The following RIN3 variants were observed in gnomAD, a reference collection of about 807,000 sequenced individuals.
RIN3 encodes the protein Ras and Rab interactor 3.
Under a neutral mutation model 76.3 loss-of-function variants are expected in RIN3, and 54 were observed. The observed-to-expected ratio is 0.71, with a 90% CI of 0.57 to 0.89. The LOEUF is 0.89. Among genes scored for constraint, RIN3 ranks in the 40% least tolerant of loss-of-function variants. The pLI is 0.00. For missense variants in RIN3, 1,256 were observed against 1,322.1 expected, an observed-to-expected ratio of 0.95 and a Z score of 0.78; for synonymous variants, 576 against 564.0, an observed-to-expected ratio of 1.02 and a Z score of -0.30.
chr14:92,530,646 G>A (rs1246694662), intron 1 of RIN3, among the ~76,000 whole-genome samples: 1 of 152,096 alleles, frequency 6.6e-6, no homozygotes, highest in Non-Finnish European at 1.5e-5. Flanking sequence ...CCACTTCTCG[G>A]TGGATTCAGC....
chr14:92,560,113 C>G (rs760988584), intron 2 of RIN3, among the ~76,000 whole-genome samples: 1 of 152,188 alleles, frequency 6.6e-6, no homozygotes, highest in Non-Finnish European at 1.5e-5. Context: ...AGGCCTTAGG[C>G]CTTAATCCCA....
chr14:92,595,073 C>T (rs1285120655), intron 3 of RIN3, among the ~76,000 whole-genome samples: 3 of 152,218 alleles, frequency 2.0e-5, no homozygotes, highest in Admixed American at 6.5e-5. Flanking sequence ...CATATTCATG[C>T]ATATAGGTAA....
chr14:92,558,146 C>T (rs568505982), intron 2 of RIN3, among the ~76,000 whole-genome samples: 5 of 152,258 alleles, frequency 3.3e-5, no homozygotes, highest in African/African-American at 9.6e-5. Context: ...CCCAGGAGTT[C>T]AAGACCAGCC....
At chr14:92,631,708 C>T (rs1886590955) in intron 4 of RIN3, among the ~76,000 whole-genome samples, 1 of 152,086 alleles carries the variant, frequency 6.6e-6, no homozygotes, top group South Asian at 2.1e-4. Flanking sequence ...TCAAGCGATT[C>T]TCCCGCCTCA....
At chr14:92,609,121 A>C (rs1215638446) in intron 3 of RIN3, among the ~76,000 whole-genome samples, 5 of 152,162 alleles carry the variant, frequency 3.3e-5, no homozygotes, top group African/African-American at 1.2e-4. Flanking sequence ...TCCCACTTAT[A>C]AGTAAGAACA....
At chr14:92,650,356 G>A (rs1483013286) in intron 5 of RIN3, among the ~76,000 whole-genome samples, 1 of 152,238 alleles carries the variant, frequency 6.6e-6, no homozygotes, top group Non-Finnish European at 1.5e-5. Flanking sequence ...TCTGTGAACT[G>A]GGGGCAAGGC....
chr14:92,547,482 C>T (rs573824980), intron 1 of RIN3, among the ~76,000 whole-genome samples: 32 of 149,954 alleles, frequency 2.1e-4, no homozygotes, highest in African/African-American at 7.5e-4. Context: ...GCAGCCTTAA[C>T]CTCCTAGGCT....
chr14:92,615,474 C>T lies in RIN3; in HGVS notation c.435C>T (p.Val145=), dbSNP rs1885920586. ...TCAGATTGATTGCGTTCTACTGTGT[C>T]AGTAGGTGAGTAGACCCGGCCCTGC... ...DIFRLIAFYC[V]SRDLLPFTLR... The change falls in exon 4 of 10, where the codon GTC becomes GTT. Residue 145 remains valine (V), a synonymous_variant. Coordinates refer to ENST00000216487, the MANE Select transcript of RIN3 (RefSeq NM_024832.5). 6.2e-7 allele frequency: 1 copy of T among 1,613,674 alleles called. No homozygotes were observed. The highest frequency in any genetic ancestry group is 1.1e-5 in the South Asian group (1 of 91,058).
intron 4 of RIN3, among the ~76,000 whole-genome samples, chr14:92,625,591 T>G (rs573435381): frequency 1.5e-3 from 232 of 152,332 alleles, no homozygotes; most frequent in Admixed American, 2.9e-3. Context: ...CAGGGCATTC[T>G]CTTTTGAAGT....
chr14:92,527,815 G>A (rs775700712), intron 1 of RIN3, among the ~76,000 whole-genome samples: 5 of 152,144 alleles, frequency 3.3e-5, no homozygotes, highest in South Asian at 2.1e-4. Flanking sequence ...CTGGGTTGTC[G>A]TGTGACTCGA....
At chr14:92,649,291 G>A (rs4424848) in intron 5 of RIN3, among the ~76,000 whole-genome samples, 5,771 of 152,216 alleles carry the variant, frequency 0.038, 379 homozygotes, top group African/African-American at 0.13. Context: ...GGTGGGCACC[G>A]GGGGTCTCAG....
Position 92,659,225 on chromosome 14 carries a change from A to C in RIN3, c.2091A>C (p.Ser697=), listed in dbSNP as rs374914830. 3.6e-5 allele frequency: 58 copies of C among 1,614,184 alleles called. 1 individual carries two copies. In the South Asian group the frequency reaches 5.1e-4, roughly 14 times the overall value. ...VLKPLKEAIN[S]CLHQIHSKDG... is the part of the protein sequence containing the mutation. ...AGCCCCTGAAGGAAGCCATCAACTC[A>C]TGCCTGCATCAGATCCACAGCAAGG... Residue 697 remains serine, a synonymous_variant, in exon 7 of 10, where the codon TCA becomes TCC. Transcript: ENST00000216487.
At chr14:92,600,478 A>G (rs539824782) in intron 3 of RIN3, among the ~76,000 whole-genome samples, 1 of 152,254 alleles carries the variant, frequency 6.6e-6, no homozygotes, top group South Asian at 2.1e-4. Context: ...AAGCAAGTGA[A>G]CTGTCAGTTG....
In RIN3 at chr14:92,604,909, CTTTTTTTTTTTTTTT is replaced by C. The variant is rs148326639; in HGVS notation, c.368-10479_368-10465del. Among the ~76,000 whole-genome samples the C allele has an allele frequency of 5.0e-4, 45 of 90,074 alleles. 1 individual carries two copies. The highest frequency in any genetic ancestry group is 1.8e-3 in the African/African-American group (36 of 20,402). 59.1% of individuals were successfully genotyped at this position (90,074 alleles called of 152,430 possible). On this transcript the variant is annotated intron_variant, in intron 3 of 9. Coordinates refer to ENST00000216487, the MANE Select transcript of RIN3 (RefSeq NM_024832.5). ...TGTCAATTTCCTTATCCATTTTCCT[CTTTTTTTTTTTTTTT>C]TTTTTTTTTTTTTTTTTTGAGATGG...
intron 9 of RIN3, chr14:92,686,501 A>G (rs1488089947): frequency 1.3e-5 from 2 of 152,076 alleles, no homozygotes. Context: ...GCTCCAGCAC[A>G]CCTCTGTTCC....
In RIN3 at chr14:92,554,780, G is replaced by A. The variant is rs569552546; in HGVS notation, c.45-971G>A. On this transcript the variant is annotated intron_variant, in intron 1 of 9. Coordinates refer to ENST00000216487, the MANE Select transcript of RIN3 (RefSeq NM_024832.5). Reference sequence around the variant, plus strand: ...TACTAAAAAAATACAAAAATTAGCCGGGCATGGTGGTGCACGCCTGTAATC... The same window carrying A: ...TACTAAAAAAATACAAAAATTAGCCAGGCATGGTGGTGCACGCCTGTAATC... Among the ~76,000 whole-genome samples, 34 of 152,170 alleles carry A rather than the reference G, an allele frequency of 2.2e-4. 1 individual carries two copies. The highest frequency in any genetic ancestry group is 5.2e-4 in the Admixed American group (8 of 15,278).
chr14:92,656,785 G>T lies in RIN3; in HGVS notation c.2027-2376G>T, dbSNP rs1282279236. ...GGGCCCTTCAGCCTTTGGGAACAGG[G>T]TCAGCATCCACAGCAATGGTGCCAT... On this transcript the variant is annotated intron_variant, in intron 6 of 9. Transcript: ENST00000216487. The surrounding 1 kb of genome is among the most constrained non-coding windows in gnomAD (Gnocchi z 5.2). Among the ~76,000 whole-genome samples, 1 of 152,212 alleles carries T rather than the reference G, an allele frequency of 6.6e-6. No homozygotes were observed. Among genetic ancestry groups the T allele is most frequent in the Non-Finnish European group, 1.5e-5 (1 of 68,036 alleles).
At chr14:92,651,552 T>A in intron 5 of RIN3, 30 bp from the exon 6 acceptor site, 1 of 1,235,112 alleles carries the variant, frequency 8.1e-7, no homozygotes, top group East Asian at 4.9e-5. Flanking sequence ...TGGCACAGAC[T>A]GACCCCCTGC....
intron 1 of RIN3, among the ~76,000 whole-genome samples, chr14:92,529,859 G>T (rs113108332): frequency 0.038 from 5,718 of 152,248 alleles, 349 homozygotes; most frequent in African/African-American, 0.13. Flanking sequence ...CCTTATTCAG[G>T]CATGAGTTAG....
Sources: gnomAD v4.1 joint callset for allele counts (sites outside exome capture counted in the v4.1 genomes callset) on GRCh38, gnomAD v4.1.1 for gene constraint, Gnocchi (gnomAD v3.1) non-coding constraint, MANE v1.5 for transcripts, NCBI Gene and HGNC (gene_info 2026-07-23, HGNC 2026-07-21) for gene names.